NF1: variants seen among roughly 807,000 people sequenced by gnomAD.
NF1 encodes neurofibromin 1.
A neutral mutation model predicts 325.7 loss-of-function variants in NF1; 122 were observed. The observed-to-expected ratio is 0.37, with a 90% CI of 0.32 to 0.44. The LOEUF is 0.44. Among genes scored for constraint, NF1 ranks in the 20% least tolerant of loss-of-function variants. NF1 has a pLI of 1.00. For missense variants in NF1, 2,140 were observed against 3,415.4 expected, an observed-to-expected ratio of 0.63 and a Z score of 9.31; for synonymous variants, 1,091 against 1,186.0, an observed-to-expected ratio of 0.92 and a Z score of 1.65.
At chr17:31,187,012 A>G (rs747830953) in intron 8 of NF1, among the ~76,000 whole-genome samples, 165 of 152,298 alleles carry the variant, frequency 1.1e-3, no homozygotes, top group Non-Finnish European at 2.0e-3. Flanking sequence ...TCACTGGAAT[A>G]GACACTTACT....
intron 1 of NF1, among the ~76,000 whole-genome samples, chr17:31,126,370 A>G (rs1435048388): frequency 6.6e-6 from 1 of 151,810 alleles, no homozygotes; most frequent in East Asian, 1.9e-4. Context: ...GTCTGTATAT[A>G]CTTTTTGCCC....
chr17:31,186,851 C>G (rs937586792), intron 8 of NF1, among the ~76,000 whole-genome samples: 5 of 152,238 alleles, frequency 3.3e-5, no homozygotes, highest in African/African-American at 1.2e-4. Flanking sequence ...CCAAGGCTGA[C>G]TTGGCTATGG....
chr17:31,289,667 G>A (rs2068309274), intron 36 of NF1, among the ~76,000 whole-genome samples: 2 of 152,086 alleles, frequency 1.3e-5, no homozygotes, highest in South Asian at 4.1e-4. Context: ...TTATTGGCCA[G>A]ATATTCTGGT....
At chr17:31,308,971 T>C (rs1388872292) in intron 36 of NF1, among the ~76,000 whole-genome samples, 1 of 152,220 alleles carries the variant, frequency 6.6e-6, no homozygotes, top group Non-Finnish European at 1.5e-5. Flanking sequence ...AAAATACTTA[T>C]CTAGAGCATA....
At chr17:31,231,701 T>C (rs2067115274) in intron 24 of NF1, among the ~76,000 whole-genome samples, 1 of 152,190 alleles carries the variant, frequency 6.6e-6, no homozygotes, top group Non-Finnish European at 1.5e-5. Context: ...AAAAAATCTG[T>C]ACATGTTGAG....
intron 1 of NF1, among the ~76,000 whole-genome samples, chr17:31,107,941 C>A (rs923645549): frequency 1.1e-4 from 16 of 151,540 alleles, no homozygotes; most frequent in Non-Finnish European, 1.5e-4. Context: ...AGTTTGAGAT[C>A]AACCTGGACA....
In NF1 at chr17:31,259,083, C is replaced by G. The variant is rs876658127; in HGVS notation, c.4384C>G (p.Arg1462Gly). 6.2e-7 allele frequency: 1 copy of G among 1,604,468 alleles called. No individual in the cohort carries two copies. Among genetic ancestry groups the G allele is most frequent in the Admixed American group, 1.7e-5 (1 of 59,380 alleles). ...TCTCTTCACAAAAGAAGAACATATG[C>G]GGCCTTTCAATGATTTTGTGAAAAG... ...HVLFTKEEHM[R>G]PFNDFVKSNF... Residue 1462 changes from arginine (R) to glycine (G), a missense_variant, in exon 33 of 58, where the codon CGG (arginine) becomes GGG (glycine). Arg to Gly is a moderately radical substitution (Grantham distance 125). This residue lies in a region of NF1 where 336 missense variants were observed against 399.0 expected (regional missense o/e 0.84). Transcript: ENST00000358273.
At chr17:31,361,281 G>A (rs6505234) in intron 57 of NF1, 69,083 of 152,010 alleles carry the variant, frequency 0.45, 18,832 homozygotes, top group African/African-American at 0.76. Flanking sequence ...ATACCAATTC[G>A]TAATGCAACT....
At chr17:31,280,693 C>A (rs200736949) in intron 36 of NF1, among the ~76,000 whole-genome samples, 1 of 151,994 alleles carries the variant, frequency 6.6e-6, no homozygotes, top group Non-Finnish European at 1.5e-5. Context: ...TATTTTACCC[C>A]GGTGTAAGAT....
chr17:31,195,622 T>A (rs1395833608), intron 8 of NF1, among the ~76,000 whole-genome samples: 1 of 151,560 alleles, frequency 6.6e-6, no homozygotes, highest in Admixed American at 6.5e-5. Flanking sequence ...TCATACAGTA[T>A]TTGTCTTTTT....
At chr17:31,151,641 A>T (rs1487061737) in intron 1 of NF1, among the ~76,000 whole-genome samples, 1 of 152,196 alleles carries the variant, frequency 6.6e-6, no homozygotes, top group African/African-American at 2.4e-5. Flanking sequence ...CCTCCTGTGT[A>T]CTTTAAATCA....
intron 8 of NF1, among the ~76,000 whole-genome samples, chr17:31,185,264 G>A (rs887231740): frequency 6.6e-6 from 1 of 152,180 alleles, no homozygotes; most frequent in African/African-American, 2.4e-5. Context: ...GGCTGAGAGT[G>A]TGACCCATGA....
intron 36 of NF1, among the ~76,000 whole-genome samples, chr17:31,312,245 C>T (rs4368212): frequency 0.47 from 70,985 of 151,852 alleles, 19,670 homozygotes; most frequent in Non-Finnish European, 0.62. Flanking sequence ...CGCAGTGGTT[C>T]CTGCCTGTAA....
intron 14 of NF1, among the ~76,000 whole-genome samples, chr17:31,221,644 A>G (rs182616381): frequency 6.6e-6 from 1 of 152,270 alleles, no homozygotes; most frequent in East Asian, 1.9e-4. Flanking sequence ...AATGATGGGA[A>G]TAAAATGATT....
At chr17:31,348,715 A>T (rs2070058374) in intron 48 of NF1, among the ~76,000 whole-genome samples, 2 of 127,126 alleles carry the variant, frequency 1.6e-5, no homozygotes, top group South Asian at 5.5e-4. Context: ...AATTAAAGGG[A>T]CATCTTTTCT....
rs149197458 is a variant in NF1 at position 31,349,086 on chromosome 17, CTTGTTTGT to C, written c.7190-15_7190-8del. The C allele has an allele frequency of 1.8e-4, 279 of 1,550,918 alleles. 1 individual carries two copies. Among genetic ancestry groups the C allele is most frequent in the Middle Eastern group, 6.7e-4 (4 of 5,956 alleles). Reference sequence around the variant, plus strand: ...TGCTTGTTCAAAAAATTAATTCTTACTTGTTTGTTTGTTTGTTTGTTTGTTTTTTGTAG... The same window carrying C: ...TGCTTGTTCAAAAAATTAATTCTTACTTGTTTGTTTGTTTGTTTTTTGTAG... On this transcript the variant is annotated intron_variant, in intron 48 of 57. Transcript: ENST00000358273.
intron 29 of NF1, among the ~76,000 whole-genome samples, chr17:31,239,888 C>T (rs998680227): frequency 3.9e-5 from 6 of 152,214 alleles, no homozygotes; most frequent in African/African-American, 9.6e-5. Context: ...CTCAGCCTCC[C>T]GAGTAGCTGG....
At chr17:31,154,037 A>C (rs557935863) in intron 1 of NF1, among the ~76,000 whole-genome samples, 84 of 147,720 alleles carry the variant, frequency 5.7e-4, no homozygotes, top group Non-Finnish European at 1.1e-3. Flanking sequence ...TTACTAGAGA[A>C]GTTCTAGTTT....
intron 36 of NF1, among the ~76,000 whole-genome samples, chr17:31,289,909 G>GT (rs1156784754): frequency 1.2e-3 from 172 of 147,052 alleles, no homozygotes; most frequent in African/African-American, 2.9e-3. Flanking sequence ...CCCATCGTTG[G>GT]TTTTTTTTTT....
Sources: allele counts gnomAD v4.1 joint callset (sites outside exome capture counted in the v4.1 genomes callset), GRCh38; gene constraint gnomAD v4.1.1; regional missense constraint gnomAD v4.1.1; transcripts MANE v1.5; gene names NCBI Gene and HGNC (gene_info 2026-07-23, HGNC 2026-07-21).